The following SLC16A10 variants were observed in gnomAD, a reference collection of about 807,000 sequenced individuals.
SLC16A10 encodes the protein monocarboxylate transporter 10.
Under a neutral mutation model 40.0 loss-of-function variants are expected in SLC16A10, and 27 were observed. The observed-to-expected ratio is 0.67, with a 90% CI of 0.50 to 0.93. The LOEUF (loss-of-function observed/expected upper bound fraction) is 0.93. Among genes scored for constraint, SLC16A10 ranks in the 40% least tolerant of loss-of-function variants. The probability of loss-of-function intolerance (pLI) is 0.00; values close to 1 mark genes in which losing one functional copy is unlikely to be tolerated. For missense variants in SLC16A10, 529 were observed against 658.2 expected (o/e 0.80, Z 2.15); for synonymous variants, 213 against 249.8 (o/e 0.85, Z 1.39).
chr6:111,206,482 A>C, intron 3 of SLC16A10, 110 bp from the exon 4 acceptor site: 2 of 1,127,124 alleles, frequency 1.8e-6, no homozygotes. Flanking sequence ...ATTTGGAAAA[A>C]GTTGCAAGCC....
chr6:111,157,809 G>C (rs1772298050), intron 1 of SLC16A10, among the ~76,000 whole-genome samples: 2 of 151,190 alleles, frequency 1.3e-5, no homozygotes, highest in South Asian at 4.2e-4. Context: ...TGGGAGACTA[G>C]ACAAATCTCC....
At chr6:111,199,263 C>T (rs1439912564) in intron 3 of SLC16A10, among the ~76,000 whole-genome samples, 4 of 152,070 alleles carry the variant, frequency 2.6e-5, no homozygotes, top group African/African-American at 9.7e-5. Flanking sequence ...AGTTTGAGAC[C>T]AGCCTGGGCA....
chr6:111,163,439 A>G (rs541803070), intron 1 of SLC16A10, among the ~76,000 whole-genome samples: 20 of 152,252 alleles, frequency 1.3e-4, no homozygotes, highest in Non-Finnish European at 2.4e-4. Context: ...GGCGTGAGCC[A>G]CCGCACCCGG....
intron 4 of SLC16A10, among the ~76,000 whole-genome samples, chr6:111,218,394 C>A (rs1195121560): frequency 6.6e-5 from 10 of 152,150 alleles, no homozygotes; most frequent in Non-Finnish European, 1.2e-4. Flanking sequence ...GCCTGCCCAA[C>A]ATGGGGAAGC....
At chr6:111,103,615 A>G (rs3749867) in intron 1 of SLC16A10, among the ~76,000 whole-genome samples, 124,957 of 152,154 alleles carry the variant, frequency 0.82, 51,465 homozygotes, top group Non-Finnish European at 0.86. Context: ...AGGGGAAACA[A>G]AATGATACAT....
At chr6:111,144,502 C>A (rs1426767049) in intron 1 of SLC16A10, among the ~76,000 whole-genome samples, 1 of 152,166 alleles carries the variant, frequency 6.6e-6, no homozygotes, top group Non-Finnish European at 1.5e-5. Flanking sequence ...CGCGCCTGGC[C>A]TATTTGAATG....
intron 3 of SLC16A10, among the ~76,000 whole-genome samples, chr6:111,191,273 G>A (rs1348279488): frequency 6.6e-6 from 1 of 152,112 alleles, no homozygotes; most frequent in African/African-American, 2.4e-5. Flanking sequence ...TGTGGTGTTT[G>A]GTTTTCTAAT....
chr6:111,130,444 C>T (rs974478606), intron 1 of SLC16A10, among the ~76,000 whole-genome samples: 1 of 152,212 alleles, frequency 6.6e-6, no homozygotes, highest in African/African-American at 2.4e-5. Context: ...AAGCATCTTT[C>T]CCCAAGCTGT....
At chr6:111,134,095 G>A (rs897615397) in intron 1 of SLC16A10, among the ~76,000 whole-genome samples, 3 of 152,196 alleles carry the variant, frequency 2.0e-5, no homozygotes, top group African/African-American at 7.2e-5. Context: ...ATCTCAGTCA[G>A]GTCAATGATA....
chr6:111,140,105 G>A (rs140954119), intron 1 of SLC16A10, among the ~76,000 whole-genome samples: 23 of 152,196 alleles, frequency 1.5e-4, no homozygotes, highest in Non-Finnish European at 2.6e-4. Context: ...AAACCCCTGT[G>A]ACACATGTTT....
intron 3 of SLC16A10, among the ~76,000 whole-genome samples, chr6:111,206,355 G>T (rs1260080469): frequency 6.6e-6 from 1 of 152,124 alleles, no homozygotes; most frequent in Non-Finnish European, 1.5e-5. Context: ...GGGATTACAG[G>T]CGTGAGCCAC....
chr6:111,185,446 C>T (rs1482860593), intron 3 of SLC16A10, among the ~76,000 whole-genome samples: 2 of 152,126 alleles, frequency 1.3e-5, no homozygotes, highest in African/African-American at 2.4e-5. Context: ...GCTTCACAGC[C>T]AGGGAGAAAA....
At chr6:111,101,197 A>G (rs1482985968) in intron 1 of SLC16A10, among the ~76,000 whole-genome samples, 1 of 151,460 alleles carries the variant, frequency 6.6e-6, no homozygotes, top group Non-Finnish European at 1.5e-5. Context: ...CACGTAACTA[A>G]TTTTTGTATT....
At chr6:111,183,959 A>C (rs1268766288) in intron 3 of SLC16A10, among the ~76,000 whole-genome samples, 2 of 148,622 alleles carry the variant, frequency 1.3e-5, no homozygotes, top group Non-Finnish European at 2.9e-5. Flanking sequence ...GATAACTGAT[A>C]AATGCCAAAT....
Position 111,226,531 on chromosome 6 carries a change from G to T in SLC16A10, c.*4296G>T, listed in dbSNP as rs1191492354. On this transcript the variant is annotated 3_prime_UTR_variant, in exon 6 of 6. Transcript: ENST00000368851. Reference sequence around the variant, plus strand: ...TAACACTGAAAAAAAGGTCATTGTTGCTGGTATAAACATTAAGGAGCAACT... The same window carrying T: ...TAACACTGAAAAAAAGGTCATTGTTTCTGGTATAAACATTAAGGAGCAACT... 6.6e-6 allele frequency: 1 copy of T among 152,164 alleles called. No homozygotes were observed. The highest frequency in any genetic ancestry group is 1.5e-5 in the Non-Finnish European group (1 of 68,038). 9.4% of individuals were successfully genotyped at this position (152,164 alleles called of 1,614,324 possible).
At chr6:111,190,329 C>G (rs1346614355) in intron 3 of SLC16A10, among the ~76,000 whole-genome samples, 5 of 152,236 alleles carry the variant, frequency 3.3e-5, no homozygotes, top group Non-Finnish European at 7.3e-5. Context: ...AACCCCCCTT[C>G]TGGCTGCTTT....
chr6:111,093,600 G>T (rs529313412), intron 1 of SLC16A10, among the ~76,000 whole-genome samples: 61 of 152,294 alleles, frequency 4.0e-4, no homozygotes, highest in Non-Finnish European at 6.5e-4. Flanking sequence ...GCTATGTTTT[G>T]CCTTTACGCT....
chr6:111,180,366 A>G (rs193204047), intron 3 of SLC16A10, among the ~76,000 whole-genome samples: 12 of 152,282 alleles, frequency 7.9e-5, no homozygotes, highest in Non-Finnish European at 2.9e-5. Flanking sequence ...CAACATAGTG[A>G]GATTCCATCT....
intron 1 of SLC16A10, among the ~76,000 whole-genome samples, chr6:111,148,236 T>C (rs1026110191): frequency 6.6e-6 from 1 of 152,202 alleles, no homozygotes; most frequent in African/African-American, 2.4e-5. Flanking sequence ...TGAACTCTTC[T>C]ATATAAAAGA....
Sources: gnomAD v4.1 joint callset for allele counts (sites outside exome capture counted in the v4.1 genomes callset) on GRCh38, gnomAD v4.1.1 for gene constraint, MANE v1.5 for transcripts, NCBI Gene and HGNC (gene_info 2026-07-23, HGNC 2026-07-21) for gene names.